Variants in FAM83B observed in about 807,000 individuals in gnomAD.
The protein encoded by FAM83B is scaffolding CK1 anchoring protein B, also known as protein FAM83B.
Under a neutral mutation model 38.8 loss-of-function variants are expected in FAM83B, and 26 were observed. The observed-to-expected ratio is 0.67, with a 90% confidence interval of 0.49 to 0.93. FAM83B has a LOEUF of 0.93. Among genes scored for constraint, FAM83B ranks in the 40% least tolerant of loss-of-function variants. FAM83B has a pLI of 0.00. For synonymous variants in FAM83B, 419 were observed against 423.1 expected, an observed-to-expected ratio of 0.99 and a Z score of 0.12; for missense variants, 1,237 against 1,197.3, an observed-to-expected ratio of 1.03 and a Z score of -0.49.
intron 2 of FAM83B, among the ~76,000 whole-genome samples, chr6:54,902,592 G>T (rs1278825996): frequency 6.6e-6 from 1 of 151,830 alleles, no homozygotes; most frequent in African/African-American, 2.4e-5. Context: ...TAGTTACCTT[G>T]TTTTTGACAT....
chr6:54,901,636 A>G (rs77646600), intron 2 of FAM83B, among the ~76,000 whole-genome samples: 3,731 of 152,318 alleles, frequency 0.024, 156 homozygotes, highest in African/African-American at 0.083. Flanking sequence ...TAAAAGAAAC[A>G]ACATAAAGAA....
At position 54,878,808 on chromosome 6, in the gene FAM83B, T is replaced by A. The variant is rs149358440; in HGVS notation, c.444+8118T>A. ...TATATTTTAACAGTATACTTCTGGC[T>A]GTAATATTGAAAATTGACTGTAGGG... On this transcript the variant is annotated intron_variant, in intron 2 of 4. Transcript: ENST00000306858. Among the ~76,000 whole-genome samples, 381 of 151,792 alleles carry A rather than the reference T, an allele frequency of 2.5e-3. 2 individuals are homozygous for A. Among genetic ancestry groups the A allele is most frequent in the African/African-American group, 8.7e-3 (362 of 41,550 alleles).
chr6:54,854,788 C>T (rs1771403531), intron 1 of FAM83B, among the ~76,000 whole-genome samples: 1 of 152,102 alleles, frequency 6.6e-6, no homozygotes, highest in Non-Finnish European at 1.5e-5. Flanking sequence ...ATTTTATATT[C>T]TAATACAAGT....
At chr6:54,863,965 G>T (rs1771645171) in intron 1 of FAM83B, among the ~76,000 whole-genome samples, 1 of 152,218 alleles carries the variant, frequency 6.6e-6, no homozygotes. Flanking sequence ...TTAGATGTTG[G>T]TAAAATAATA....
chr6:54,943,061 C>T lies in FAM83B; in HGVS notation c.*1054C>T, dbSNP rs968486066. 1.3e-5 allele frequency: 2 copies of T among 152,034 alleles called. No homozygotes were observed. The highest frequency in any genetic ancestry group is 4.8e-5 in the African/African-American group (2 of 41,358). The allele number at this position is 152,034 out of a possible 1,614,324, so 9.4% of individuals were successfully genotyped here. A position where few individuals can be genotyped will look rare whatever the true frequency, so the allele number is the denominator to read the frequency against. ...GGGATTACAGGTGCGCACCACCACA[C>T]CCGGCTAATTTTTGTATTTTCAGAA... On this transcript the variant is annotated 3_prime_UTR_variant, in exon 5 of 5. Coordinates refer to ENST00000306858, the MANE Select transcript of FAM83B (RefSeq NM_001010872.3).
intron 2 of FAM83B, among the ~76,000 whole-genome samples, chr6:54,922,675 A>C (rs1034642808): frequency 6.6e-6 from 1 of 152,070 alleles, no homozygotes; most frequent in African/African-American, 2.4e-5. Context: ...TGATTGGAGT[A>C]TGTTTCACAG....
chr6:54,930,295 T>C (rs1773391996), intron 4 of FAM83B, among the ~76,000 whole-genome samples: 5 of 152,138 alleles, frequency 3.3e-5, no homozygotes, highest in Admixed American at 3.3e-4. Context: ...GCTACTTCTT[T>C]CTCCAGTTGA....
At chr6:54,884,774 T>G (rs1056175747) in intron 2 of FAM83B, among the ~76,000 whole-genome samples, 1 of 107,812 alleles carries the variant, frequency 9.3e-6, no homozygotes, top group African/African-American at 4.0e-5. Flanking sequence ...AGTCCTCCAG[T>G]ATTTTTTTTT....
In FAM83B at chr6:54,931,803, C is replaced by T. The variant is rs114413932; in HGVS notation, c.734+4171C>T. On this transcript the variant is annotated intron_variant, in intron 4 of 4. Transcript: ENST00000306858. ...GTAATTTAATTCATTTACCTTTTAA[C>T]CAATTACTGATGGAGAAGGACTTAC... 5.4e-3 allele frequency among the ~76,000 whole-genome samples: 824 copies of T among 151,970 alleles called. 6 individuals are homozygous for T. The highest frequency in any genetic ancestry group is 0.019 in the African/African-American group (800 of 41,482).
chr6:54,901,518 G>A (rs1426768744), intron 2 of FAM83B, among the ~76,000 whole-genome samples: 5 of 152,108 alleles, frequency 3.3e-5, no homozygotes, highest in Admixed American at 3.3e-4. Flanking sequence ...TTTAAAATGT[G>A]GAGATGCAGC....
At chr6:54,888,388 C>T (rs904029488) in intron 2 of FAM83B, among the ~76,000 whole-genome samples, 1 of 151,910 alleles carries the variant, frequency 6.6e-6, no homozygotes, top group Non-Finnish European at 1.5e-5. Context: ...GGATAATTTT[C>T]CTTCTTCCTA....
At chr6:54,914,360 A>T (rs1377029379) in intron 2 of FAM83B, among the ~76,000 whole-genome samples, 1 of 152,194 alleles carries the variant, frequency 6.6e-6, no homozygotes. Context: ...ATTTATTTTT[A>T]TATTGAACCT....
In FAM83B at chr6:54,944,906, T is replaced by C. The variant is rs1332372619; in HGVS notation, c.*2899T>C. 1 of 152,192 alleles carries C rather than the reference T, an allele frequency of 6.6e-6. No homozygotes were observed. Among genetic ancestry groups the C allele is most frequent in the East Asian group, 1.9e-4 (1 of 5,190 alleles). 9.4% of individuals were successfully genotyped at this position (152,192 alleles called of 1,614,324 possible). A position where few individuals can be genotyped will look rare whatever the true frequency, so the allele number is the denominator to read the frequency against. ...AAAGAGTCAACTTGTTAACTTTTCT[T>C]TTTTAAGAGATGGGTTTTCACTAGT... On this transcript the variant is annotated 3_prime_UTR_variant, in exon 5 of 5. Transcript: ENST00000306858.
In FAM83B at chr6:54,941,928, A is replaced by G; in HGVS notation, c.2957A>G (p.Tyr986Cys). 1 of 1,614,044 alleles carries G rather than the reference A, an allele frequency of 6.2e-7. No individual in the cohort carries two copies. Among genetic ancestry groups the G allele is most frequent in the Non-Finnish European group, 8.5e-7 (1 of 1,179,964 alleles). The change falls in exon 5 of 5, where the codon TAT (tyrosine) becomes TGT (cysteine). Residue 986 changes from tyrosine to cysteine, a missense_variant. Transcript: ENST00000306858. ...TTGCTTAATTACAACACTGGTGTTT[A>G]TCGCTCATATCAACCCAATGAGAAC... is the stretch of plus-strand genomic sequence containing the variant. ...SPLLNYNTGV[Y>C]RSYQPNENKF...
chr6:54,914,807 G>C (rs1364155650), intron 2 of FAM83B, among the ~76,000 whole-genome samples: 2 of 152,070 alleles, frequency 1.3e-5, no homozygotes, highest in African/African-American at 4.8e-5. Flanking sequence ...ACTGCACCCA[G>C]AGGAAAACTT....
intron 1 of FAM83B, among the ~76,000 whole-genome samples, chr6:54,865,925 A>G (rs910883748): frequency 6.6e-6 from 1 of 151,286 alleles, no homozygotes; most frequent in African/African-American, 2.4e-5. Flanking sequence ...TTACATATTT[A>G]TAGTAATTAT....
intron 1 of FAM83B, among the ~76,000 whole-genome samples, chr6:54,865,967 CATA>C (rs3064911): frequency 0.036 from 5,378 of 147,912 alleles, 249 homozygotes; most frequent in African/African-American, 0.11. Context: ...GTAAAATAGT[CATA>C]ATAATAATAA....
At chr6:54,911,707 C>T (rs888271116) in intron 2 of FAM83B, among the ~76,000 whole-genome samples, 4 of 151,988 alleles carry the variant, frequency 2.6e-5, no homozygotes, top group African/African-American at 4.8e-5. Flanking sequence ...TTTTATTGGC[C>T]ATCTGATATA....
At chr6:54,857,336 A>G (rs1416373724) in intron 1 of FAM83B, among the ~76,000 whole-genome samples, 1 of 152,138 alleles carries the variant, frequency 6.6e-6, no homozygotes, top group African/African-American at 2.4e-5. Context: ...CACATTCAGC[A>G]TTTCACTCCA....
Sources: allele counts gnomAD v4.1 joint callset (sites outside exome capture counted in the v4.1 genomes callset), GRCh38; gene constraint gnomAD v4.1.1; transcripts MANE v1.5; gene names NCBI Gene and HGNC (gene_info 2026-07-23, HGNC 2026-07-21).